ADAMTSL1: variants seen among roughly 807,000 people sequenced by gnomAD.
ADAMTSL1 encodes the protein ADAMTS-like protein 1.
Under a neutral mutation model 201.8 loss-of-function variants are expected in ADAMTSL1, and 126 were observed. The ratio of observed to expected loss-of-function variants is 0.62; its 90% CI spans 0.54 to 0.72. The LOEUF (loss-of-function observed/expected upper bound fraction) is 0.72. Ranked by LOEUF, ADAMTSL1 falls within the 30% of genes least tolerant of loss-of-function variation. The pLI is 0.00. For missense variants in ADAMTSL1, 2,679 were observed against 2,277.8 expected (o/e 1.18, Z -3.59); for synonymous variants, 1,121 against 903.4 (o/e 1.24, Z -4.32).
intron 2 of ADAMTSL1, among the ~76,000 whole-genome samples, chr9:18,454,012 A>T (rs78926915): frequency 0.013 from 1,960 of 152,324 alleles, 41 homozygotes; most frequent in African/African-American, 0.045. Flanking sequence ...CTGCCTATAG[A>T]TAGACAGATA....
Position 18,204,256 on chromosome 9 carries a change from G to T in ADAMTSL1, c.207+40275G>T, listed in dbSNP as rs969862350. ...GTGGAGGTAATTGGATCATGGGGGT[G>T]GTTTCCCTCATGCTGTTCTCCTGAT... On this transcript the variant is annotated intron_variant, in intron 2 of 29. Coordinates refer to the ADAMTSL1 transcript ENST00000680146. Among the ~76,000 whole-genome samples, 7 of 152,126 alleles carry T rather than the reference G, an allele frequency of 4.6e-5. No individual in the cohort carries two copies. The East Asian group carries it at 1.4e-3, about 29-fold the overall frequency.
At chr9:18,535,312 A>G (rs115904638) in intron 3 of ADAMTSL1, among the ~76,000 whole-genome samples, 87 of 152,252 alleles carry the variant, frequency 5.7e-4, no homozygotes, top group Middle Eastern at 6.8e-3. Flanking sequence ...CCTTTTCTCC[A>G]TCTGAGACCA....
At chr9:17,992,824 A>G (rs2131504083) in intron 1 of ADAMTSL1, among the ~76,000 whole-genome samples, 1 of 152,312 alleles carries the variant, frequency 6.6e-6, no homozygotes, top group East Asian at 1.9e-4. Flanking sequence ...ACTAGAGAGT[A>G]AGGCAAGATT....
intron 7 of ADAMTSL1, 174 bp from the exon 8 acceptor site, chr9:18,657,465 A>G: frequency 3.5e-6 from 2 of 578,936 alleles, no homozygotes; most frequent in Non-Finnish European, 6.2e-6. Context: ...TGCAAGGACC[A>G]TTCACTGGTA....
At chr9:18,244,986 G>C (rs766381654) in intron 2 of ADAMTSL1, among the ~76,000 whole-genome samples, 1 of 152,130 alleles carries the variant, frequency 6.6e-6, no homozygotes, top group Non-Finnish European at 1.5e-5. Flanking sequence ...AAGTAATGCT[G>C]TGTATTACTT....
intron 4 of ADAMTSL1, among the ~76,000 whole-genome samples, chr9:18,589,089 C>G (rs1439969510): frequency 1.3e-5 from 2 of 151,696 alleles, no homozygotes; most frequent in South Asian, 2.1e-4. Flanking sequence ...GTTGGCCAGG[C>G]TGGCCTCGAA....
At chr9:18,061,104 C>G (rs1442002116) in intron 1 of ADAMTSL1, among the ~76,000 whole-genome samples, 1 of 152,068 alleles carries the variant, frequency 6.6e-6, no homozygotes, top group Non-Finnish European at 1.5e-5. Flanking sequence ...AAATATAAAT[C>G]CTGTCCCTCT....
intron 3 of ADAMTSL1, among the ~76,000 whole-genome samples, chr9:18,561,357 A>T (rs1475147481): frequency 6.6e-6 from 1 of 152,194 alleles, no homozygotes; most frequent in Non-Finnish European, 1.5e-5. Flanking sequence ...TGAGTTTCTT[A>T]ATCTTAAGTT....
At chr9:18,700,519 GT>G (rs1286542147) in intron 13 of ADAMTSL1, among the ~76,000 whole-genome samples, 2 of 152,012 alleles carry the variant, frequency 1.3e-5, no homozygotes, top group East Asian at 3.9e-4. Context: ...TGCAGCTTAG[GT>G]TTAGTTAACT....
intron 1 of ADAMTSL1, among the ~76,000 whole-genome samples, chr9:18,012,851 G>A (rs1283346160): frequency 6.6e-6 from 1 of 151,924 alleles, no homozygotes; most frequent in Non-Finnish European, 1.5e-5. Flanking sequence ...AAAGAGTGAT[G>A]GGAAACTTAA....
intron 1 of ADAMTSL1, among the ~76,000 whole-genome samples, chr9:18,057,190 G>T (rs1197909353): frequency 6.6e-6 from 1 of 152,088 alleles, no homozygotes; most frequent in African/African-American, 2.4e-5. Flanking sequence ...CACAGACTTT[G>T]CATTTGCCAC....
intron 1 of ADAMTSL1, among the ~76,000 whole-genome samples, chr9:17,972,410 G>A (rs1818245763): frequency 1.4e-5 from 2 of 147,706 alleles, no homozygotes; most frequent in Non-Finnish European, 3.0e-5. Context: ...GAGAACATAC[G>A]GTGTTTCGTT....
chr9:18,853,599 T>C (rs1826643141), intron 23 of ADAMTSL1, among the ~76,000 whole-genome samples: 1 of 152,226 alleles, frequency 6.6e-6, no homozygotes, highest in South Asian at 2.1e-4. Flanking sequence ...GGTCTTTCAT[T>C]AACTTTGCAA....
chr9:17,957,256 G>A (rs1430806003), intron 1 of ADAMTSL1, among the ~76,000 whole-genome samples: 1 of 152,146 alleles, frequency 6.6e-6, no homozygotes, highest in Non-Finnish European at 1.5e-5. Context: ...TCAGAGCCTA[G>A]AAGAGCCCAT....
intron 2 of ADAMTSL1, among the ~76,000 whole-genome samples, chr9:18,409,403 A>G (rs1818338654): frequency 7.1e-6 from 1 of 141,620 alleles, no homozygotes; most frequent in Admixed American, 7.0e-5. Flanking sequence ...AAAAAAAAAA[A>G]AGAAAAAGAA....
chr9:17,973,522 A>G (rs1167941380), intron 1 of ADAMTSL1, among the ~76,000 whole-genome samples: 3 of 112,710 alleles, frequency 2.7e-5, no homozygotes, highest in Non-Finnish European at 6.2e-5. Flanking sequence ...CCATTGATCT[A>G]TATCTCTGTT....
At position 18,658,273 on chromosome 9, in the gene ADAMTSL1, C is replaced by T. The variant is rs567192642; in HGVS notation, c.946+523C>T. Among the ~76,000 whole-genome samples the T allele has an allele frequency of 3.9e-5, 6 of 152,242 alleles. No homozygotes were observed. In the South Asian group the frequency reaches 1.0e-3, roughly 26 times the overall value. Reference sequence around the variant, plus strand: ...ACAGGCGTGAGCCACCGTGCCCGACCGAGGAAACAGTCTTTACTTCTCTCC... The same window carrying T: ...ACAGGCGTGAGCCACCGTGCCCGACTGAGGAAACAGTCTTTACTTCTCTCC... On this transcript the variant is annotated intron_variant, in intron 8 of 28. Coordinates refer to ENST00000380548, the MANE Select transcript of ADAMTSL1 (RefSeq NM_001040272.6).
intron 14 of ADAMTSL1, among the ~76,000 whole-genome samples, chr9:18,721,132 C>T (rs748082863): frequency 5.4e-4 from 82 of 152,296 alleles, no homozygotes; most frequent in Middle Eastern, 3.4e-3. Context: ...CCAAATACAA[C>T]GATTTCCTTT....
intron 2 of ADAMTSL1, among the ~76,000 whole-genome samples, chr9:18,233,818 T>C (rs1381477922): frequency 6.6e-6 from 1 of 151,974 alleles, no homozygotes; most frequent in Non-Finnish European, 1.5e-5. Flanking sequence ...GGGTTTGGGG[T>C]TTAGAAAGGT....
Sources: gnomAD v4.1 joint callset for allele counts (sites outside exome capture counted in the v4.1 genomes callset) on GRCh38, gnomAD v4.1.1 for gene constraint, MANE v1.5 for transcripts, NCBI Gene and HGNC (gene_info 2026-07-23, HGNC 2026-07-21) for gene names.